PNCK: variants seen among roughly 807,000 people sequenced by gnomAD.
PNCK encodes pregnancy up-regulated nonubiquitous CaM kinase.
In PNCK, 21 loss-of-function variants were observed where a neutral mutation model predicts 28.3. That is an observed-to-expected ratio of 0.74 (90% CI 0.53 to 1.07). The LOEUF (loss-of-function observed/expected upper bound fraction) is 1.07. Among genes scored for constraint, PNCK ranks in the 50% least tolerant of loss-of-function variants. The pLI is 0.00. For missense variants in PNCK, 250 were observed against 298.3 expected (o/e 0.84, Z 1.19); for synonymous variants, 136 against 125.2 (o/e 1.09, Z -0.58).
At chrX:153,676,179 C>T (rs1455224204), upstream of PNCK, among the ~76,000 whole-genome samples, 3 of 110,615 alleles carry the variant, frequency 2.7e-5, no homozygotes, top group African/African-American at 9.9e-5. Context: ...GTTAAACATG[C>T]TTACAGGCAC....
upstream of PNCK, among the ~76,000 whole-genome samples, chrX:153,676,025 TA>T (rs1178003553): frequency 2.0e-5 from 2 of 98,168 alleles, no homozygotes; most frequent in Non-Finnish European, 4.1e-5. Flanking sequence ...GTGTAGAAAG[TA>T]AAAAGTTCCT....
At chrX:153,676,792 A>T (rs2091368105), upstream of PNCK, among the ~76,000 whole-genome samples, 1 of 106,184 alleles carries the variant, frequency 9.4e-6, no homozygotes, top group Non-Finnish European at 1.9e-5. Context: ...TGAACCTGGG[A>T]GGTGGAGGTT....
rs187312082 is a variant in PNCK at position 153,671,675 on chromosome X, G to A, written c.415-3C>T. On this transcript the variant is annotated splice_polypyrimidine_tract_variant and splice_region_variant and intron_variant, in intron 5 of 11. Coordinates refer to ENST00000340888, the MANE Select transcript of PNCK (RefSeq NM_001366977.1). ...GTGGCATACAGGAGGTTTTCGGGCT[G>A]TGACACACGGACACCGGGAAAAGGG... 2.5e-6 allele frequency: 3 copies of A among 1,181,919 alleles called. No homozygotes were observed. Among genetic ancestry groups the A allele is most frequent in the African/African-American group, 3.5e-5 (2 of 56,777 alleles).
At chrX:153,673,555 C>A in intron 1 of PNCK, 1 of 342,140 alleles carries the variant, frequency 2.9e-6, no homozygotes, top group Non-Finnish European at 4.6e-6. Flanking sequence ...AAGACCGCGG[C>A]CACCCACGCG....
rs141646527 is a variant in PNCK at position 153,680,629 on chromosome X, A to G, written c.-3+6802T>C. Among the ~76,000 whole-genome samples the G allele has an allele frequency of 7.5e-3, 835 of 110,858 alleles. 8 individuals carry two copies. The highest frequency in any genetic ancestry group is 0.051 in the East Asian group (180 of 3,531). On this transcript the variant is annotated intron_variant, in intron 1 of 3. Coordinates refer to the PNCK transcript ENST00000419804. ...GTAGTCCCAGCTACTTGGGAGGCTGAGGCAGGAGAATCACTTGAACCCGGG... is the reference window on the plus strand; with the variant it reads ...GTAGTCCCAGCTACTTGGGAGGCTGGGGCAGGAGAATCACTTGAACCCGGG...
At chrX:153,685,821 A>C (rs1557043082) in intron 1 of PNCK, among the ~76,000 whole-genome samples, 1 of 113,291 alleles carries the variant, frequency 8.8e-6, no homozygotes, top group East Asian at 2.8e-4. Context: ...GGTCTGGCCC[A>C]GGCCGTGAGG....
At chrX:153,677,027 C>T (rs1471793153), upstream of PNCK, among the ~76,000 whole-genome samples, 1 of 111,611 alleles carries the variant, frequency 9.0e-6, no homozygotes, top group Non-Finnish European at 1.9e-5. Flanking sequence ...ACGACCTCCG[C>T]CTCCTGGGCT....
intron 1 of PNCK, among the ~76,000 whole-genome samples, chrX:153,684,752 T>G (rs2091410170): frequency 2.0e-5 from 2 of 98,363 alleles, no homozygotes; most frequent in East Asian, 6.6e-4. Context: ...GCCCTAGGCT[T>G]GAGTGGGCGC....
At position 153,671,981 on chromosome X, in the gene PNCK, G is replaced by A. The variant is rs782253314; in HGVS notation, c.313C>T (p.Arg105Cys). 14 of 1,210,820 alleles carry A rather than the reference G, an allele frequency of 1.2e-5. No individual in the cohort carries two copies. The highest frequency in any genetic ancestry group is 8.8e-5 in the South Asian group (5 of 56,899). ...GGELFDRIME[R>C]GSYTEKDASH... ...GCATCCTTCTCTGTGTAGGAGCCGC[G>A]CTCCATGATGCGGTCAAACAGCTCG... The change falls in exon 5 of 12, where the codon CGC (arginine) becomes TGC (cysteine). Residue 105 changes from arginine (R) to cysteine (C), a missense_variant. Arg to Cys is a radical substitution (Grantham distance 180). Transcript: ENST00000340888.
At chrX:153,686,196 C>T (rs1557043140) in intron 1 of PNCK, among the ~76,000 whole-genome samples, 3 of 111,780 alleles carry the variant, frequency 2.7e-5, no homozygotes, top group South Asian at 3.8e-4. Flanking sequence ...TCAGGGGTGG[C>T]GACTCCCTCA....
upstream of PNCK, among the ~76,000 whole-genome samples, chrX:153,677,588 A>G (rs186547923): frequency 3.1e-4 from 23 of 75,281 alleles, no homozygotes; most frequent in South Asian, 2.8e-3. Flanking sequence ...TATATAGTGT[A>G]TATATATATA....
Position 153,670,567 on chromosome X carries a change from G to T in PNCK, c.922C>A (p.Arg308Ser). The T allele has an allele frequency of 1.7e-6, 2 of 1,210,974 alleles. No individual in the cohort carries two copies. Among genetic ancestry groups the T allele is most frequent in the Non-Finnish European group, 2.2e-6 (2 of 895,318 alleles). The change falls in exon 11 of 12, where the codon CGC becomes AGC. Residue 308 changes from arginine to serine, a missense_variant. Transcript: ENST00000340888. ...ATCTGCCCCAGCTTCCGGATGTGGC[G>T]CAGGAACGAGGTGGCATTGAAGGCT... ...KRAFNATSFL[R>S]HIRKLGQIPE... is the part of the protein sequence containing the mutation.
chrX:153,672,695 C>A lies in PNCK; in HGVS notation c.71G>T (p.Gly24Val). Reference protein sequence around the residue: ...VYEIRERLGSGAFSEVVLAQE... With the variant: ...VYEIRERLGSVAFSEVVLAQE... ...GGCCAGCACCACCTCGGAGAAGGCA[C>A]CCCTGCCGCAGACGGGGCGGTGGGA... Residue 24 changes from glycine (G) to valine (V), a missense_variant and splice_region_variant, in exon 3 of 12, where the codon GGT becomes GTT. Physicochemically the swap from Gly to Val is moderately radical, Grantham distance 109. Transcript: ENST00000340888. 8.4e-7 allele frequency: 1 copy of A among 1,197,170 alleles called. No homozygotes were observed. The highest frequency in any genetic ancestry group is 1.1e-6 in the Non-Finnish European group (1 of 891,659).
At position 153,673,508 on chromosome X, in the gene PNCK, G is replaced by A. The variant is rs1341539320; in HGVS notation, c.-3+272C>T. 7.0e-5 allele frequency: 27 copies of A among 387,432 alleles called. No homozygotes were observed. The African/African-American group carries it at 7.3e-4, about 10-fold the overall frequency. 31.9% of individuals were successfully genotyped at this position (387,432 alleles called of 1,213,427 possible). Reference sequence around the variant, plus strand: ...CGCTGCCCAAGCCACCAAGCCGCCCGGGATGCACCTGCGACCCCCGCGCGC... The same window carrying A: ...CGCTGCCCAAGCCACCAAGCCGCCCAGGATGCACCTGCGACCCCCGCGCGC... On this transcript the variant is annotated intron_variant, in intron 1 of 11. Transcript: ENST00000340888.
chrX:153,681,917 C>T (rs782672857), intron 1 of PNCK, among the ~76,000 whole-genome samples: 1 of 109,707 alleles, frequency 9.1e-6, no homozygotes, highest in Admixed American at 9.6e-5. Context: ...GTTGTAACCA[C>T]CTAATGGGTT....
At chrX:153,686,462 AC>A (rs1181673240) in intron 1 of PNCK, 3 of 108,895 alleles carry the variant, frequency 2.8e-5, no homozygotes, top group African/African-American at 1.0e-4. Flanking sequence ...TCACGCGCCC[AC>A]CCCGCACTCC....
chrX:153,672,322 T>C (rs2091313799), intron 3 of PNCK, 122 bp from the exon 4 acceptor site: 2 of 856,788 alleles, frequency 2.3e-6, no homozygotes, highest in South Asian at 5.2e-5. Flanking sequence ...CCCTACCACA[T>C]GCCACCCCTG....
intron 1 of PNCK, 100 bp downstream of exon 1, chrX:153,673,680 G>T: frequency 2.1e-6 from 1 of 481,775 alleles, no homozygotes; most frequent in Non-Finnish European, 2.6e-6. Flanking sequence ...CGCGCCAGGC[G>T]TGACAGGTGT....
At position 153,673,787 on chromosome X, in the gene PNCK, G is replaced by A. The variant is rs1312208248; in HGVS notation, c.-10C>T. The A allele has an allele frequency of 1.3e-6, 1 of 749,319 alleles. No homozygotes were observed. Among genetic ancestry groups the A allele is most frequent in the Non-Finnish European group, 1.6e-6 (1 of 636,472 alleles). 61.8% of individuals were successfully genotyped at this position (749,319 alleles called of 1,213,427 possible). ...CCCGGAGCAGGTGCAGACCTGGAGC[G>A]GGTGCCGCAGCGTCGTGCCGCGCAG... On this transcript the variant is annotated 5_prime_UTR_variant, in exon 1 of 12. Coordinates refer to ENST00000340888, the MANE Select transcript of PNCK (RefSeq NM_001366977.1).
Sources: allele counts gnomAD v4.1 joint callset (sites outside exome capture counted in the v4.1 genomes callset), GRCh38; gene constraint gnomAD v4.1.1; transcripts MANE v1.5; gene names NCBI Gene and HGNC (gene_info 2026-07-23, HGNC 2026-07-21).